The following SEC31A variants were observed in gnomAD, a reference collection of about 807,000 sequenced individuals.
SEC31A encodes the protein SEC31 homolog A, COPII component.
Under a neutral mutation model 151.0 loss-of-function variants are expected in SEC31A, and 70 were observed. The observed-to-expected ratio is 0.46, with a 90% CI of 0.38 to 0.57. The LOEUF (loss-of-function observed/expected upper bound fraction) is 0.57. Among genes scored for constraint, SEC31A ranks in the 20% least tolerant of loss-of-function variants. The probability of loss-of-function intolerance (pLI) is 0.00; values close to 1 mark genes in which losing one functional copy is unlikely to be tolerated. For synonymous variants in SEC31A, 475 were observed against 505.9 expected (o/e 0.94, Z 0.82); for missense variants, 1,330 against 1,471.2 (o/e 0.90, Z 1.57).
At position 82,880,843 on chromosome 4, in the gene SEC31A, T is replaced by C. The variant is rs969448841; in HGVS notation, c.159A>G (p.Pro53=). The C allele has an allele frequency of 4.3e-6, 7 of 1,613,158 alleles. No individual in the cohort carries two copies. The highest frequency in any genetic ancestry group is 3.3e-5 in the South Asian group (3 of 90,990). The change falls in exon 3 of 27, where the codon CCA becomes CCG. Residue 53 remains proline, a synonymous_variant. Transcript: ENST00000395310. The stretch of plus-strand genomic sequence containing the variant: ...TGGCACAAGATTTCATATCCAAGGA[T>C]GGATCAGAGAGGTCTAATTCAAATA... The part of the protein sequence containing the change: ...LEIFELDLSD[P]SLDMKSCATF...
At chr4:82,892,330 C>G (rs1022892948), upstream of SEC31A, among the ~76,000 whole-genome samples, 1 of 152,256 alleles carries the variant, frequency 6.6e-6, no homozygotes, top group Non-Finnish European at 1.5e-5. Context: ...CCGCAAGCAG[C>G]TTTCTGTTCC....
intron 22 of SEC31A, among the ~76,000 whole-genome samples, chr4:82,841,467 T>C (rs192804590): frequency 0.024 from 2,497 of 103,408 alleles, 136 homozygotes; most frequent in African/African-American, 0.079. Context: ...TATATATATA[T>C]ACACACACAC....
chr4:82,879,065 A>G, intron 3 of SEC31A, 137 bp from the exon 4 acceptor site: 1 of 657,924 alleles, frequency 1.5e-6, no homozygotes, highest in Non-Finnish European at 2.6e-6. Context: ...CCTGGTAACT[A>G]TGTATGACTT....
At chr4:82,857,814 G>C in intron 14 of SEC31A, 50 bp from the exon 15 acceptor site, 1 of 1,196,976 alleles carries the variant, frequency 8.4e-7, no homozygotes, top group Non-Finnish European at 1.2e-6. Context: ...ACTGTGGAAT[G>C]ATTTACTGAC....
chr4:82,865,222 T>C (rs1352757364), intron 10 of SEC31A, among the ~76,000 whole-genome samples: 1 of 152,130 alleles, frequency 6.6e-6, no homozygotes, highest in Non-Finnish European at 1.5e-5. Context: ...AGGCAAGGTA[T>C]CAGCAATGTA....
chr4:82,858,955 C>T (rs1295903539), intron 14 of SEC31A, among the ~76,000 whole-genome samples: 1 of 152,060 alleles, frequency 6.6e-6, no homozygotes, highest in African/African-American at 2.4e-5. Flanking sequence ...CCCTCCTTGG[C>T]CTCCCAAAGT....
chr4:82,866,700 CA>C lies in SEC31A; in HGVS notation c.1197+107del, dbSNP rs779869201. On this transcript the variant is annotated intron_variant, in intron 10 of 26. Transcript: ENST00000395310. ...TGATGAAATACCCACAAGTACATCT[CA>C]AATCCCAACTTAAACCCTGATTGCT... 106 of 997,954 alleles carry C rather than the reference CA, an allele frequency of 1.1e-4. No homozygotes were observed. In the Middle Eastern group the frequency reaches 2.2e-3, roughly 21 times the overall value. The allele number at this position is 997,954 out of a possible 1,614,324, so 61.8% of individuals were successfully genotyped here.
chr4:82,845,889 G>T (rs1729998057), intron 20 of SEC31A, among the ~76,000 whole-genome samples: 1 of 151,786 alleles, frequency 6.6e-6, no homozygotes, highest in Admixed American at 6.6e-5. Flanking sequence ...GCCCAGAGAA[G>T]TGAAGGGACC....
chr4:82,837,199 A>T (rs1329711560), intron 22 of SEC31A, among the ~76,000 whole-genome samples: 5 of 83,136 alleles, frequency 6.0e-5, no homozygotes, highest in Admixed American at 1.7e-4. Flanking sequence ...ATATATATAT[A>T]ATTTCACCAC....
In SEC31A at chr4:82,878,830, T is replaced by C. The variant is rs1738601009; in HGVS notation, c.302A>G (p.Tyr101Cys). 6.2e-7 allele frequency: 1 copy of C among 1,613,900 alleles called. No homozygotes were observed. Among genetic ancestry groups the C allele is most frequent in the Non-Finnish European group, 8.5e-7 (1 of 1,179,808 alleles). Residue 101 changes from tyrosine (Y) to cysteine (C), a missense_variant, in exon 4 of 27, where the codon TAT becomes TGT. Tyr to Cys is a radical substitution (Grantham distance 194). Coordinates refer to ENST00000395310, the MANE Select transcript of SEC31A (RefSeq NM_001077207.4). ...TCCAGCTATAATTTTAGAAGGATCATAGAGAATAATATTTCCATTTTCACC... is the reference window on the plus strand; with the variant it reads ...TCCAGCTATAATTTTAGAAGGATCACAGAGAATAATATTTCCATTTTCACC... ...AGGENGNIIL[Y>C]DPSKIIAGDK... is the part of the protein sequence containing the mutation.
upstream of SEC31A, chr4:82,891,286 GC>G (rs749632261): frequency 2.5e-5 from 27 of 1,094,068 alleles, no homozygotes; most frequent in Admixed American, 2.5e-4. Context: ...CGCACAGCCC[GC>G]CACGGCACTT....
intron 22 of SEC31A, among the ~76,000 whole-genome samples, chr4:82,833,617 A>G (rs943846371): frequency 6.6e-6 from 1 of 152,130 alleles, no homozygotes; most frequent in African/African-American, 2.4e-5. Flanking sequence ...CAAAGTTTAT[A>G]GCAGTGGACA....
chr4:82,871,631 C>A (rs930520363), intron 7 of SEC31A: 1 of 542,322 alleles, frequency 1.8e-6, no homozygotes, highest in East Asian at 3.1e-5. Context: ...TGAAAATTAG[C>A]TGGGCGTGGT....
At chr4:82,827,084 C>A (rs192010929) in intron 24 of SEC31A, among the ~76,000 whole-genome samples, 5 of 152,152 alleles carry the variant, frequency 3.3e-5, no homozygotes, top group Non-Finnish European at 5.9e-5. Context: ...AGCAACCTCA[C>A]GCAGAGATGA....
intron 1 of SEC31A, among the ~76,000 whole-genome samples, chr4:82,884,791 T>A (rs1469560088): frequency 6.6e-6 from 1 of 152,194 alleles, no homozygotes; most frequent in African/African-American, 2.4e-5. Flanking sequence ...GTGCTCTCTG[T>A]TTTCAGGGCC....
intron 10 of SEC31A, among the ~76,000 whole-genome samples, chr4:82,865,081 G>C (rs560713931): frequency 1.3e-5 from 2 of 152,216 alleles, no homozygotes; most frequent in East Asian, 3.9e-4. Flanking sequence ...ACAGACTTAC[G>C]AGTGACATAA....
chr4:82,900,077 C>T (rs1057004906), exon 2 of SEC31A: 1 of 152,302 alleles, frequency 6.6e-6, no homozygotes, highest in South Asian at 2.0e-4. Context: ...AGAACCTTAC[C>T]TTATTTCCTT....
chr4:82,874,154 C>T (rs947861751), intron 6 of SEC31A, among the ~76,000 whole-genome samples: 3 of 152,030 alleles, frequency 2.0e-5, no homozygotes, highest in South Asian at 2.1e-4. Context: ...AAAAATTAGC[C>T]GGGCTTGATG....
intron 20 of SEC31A, chr4:82,845,175 T>A: frequency 6.9e-7 from 1 of 1,442,352 alleles, no homozygotes; most frequent in Non-Finnish European, 9.4e-7. Context: ...AGAATTCTGC[T>A]CAAAGAGGAA....
Sources: gnomAD v4.1 joint callset for allele counts (sites outside exome capture counted in the v4.1 genomes callset) on GRCh38, gnomAD v4.1.1 for gene constraint, MANE v1.5 for transcripts, NCBI Gene and HGNC (gene_info 2026-07-23, HGNC 2026-07-21) for gene names.